Variants in ADRA1B observed in about 807,000 individuals in gnomAD.
ADRA1B encodes adrenoceptor alpha 1B, also known as alpha-1B adrenergic receptor.
Under a neutral mutation model 17.9 loss-of-function variants are expected in ADRA1B, and 17 were observed. The observed-to-expected ratio is 0.95, with a 90% confidence interval of 0.65 to 1.42. ADRA1B has a LOEUF of 1.42. Among genes scored for constraint, ADRA1B ranks in the 40% most tolerant of loss-of-function variants. The probability of loss-of-function intolerance (pLI) is 0.00; values close to 1 mark genes in which losing one functional copy is unlikely to be tolerated. For synonymous variants in ADRA1B, 366 were observed against 327.6 expected, an observed-to-expected ratio of 1.12 and a Z score of -1.27; for missense variants, 681 against 722.1, an observed-to-expected ratio of 0.94 and a Z score of 0.65.
intron 1 of ADRA1B, chr5:159,951,528 C>A: frequency 4.7e-6 from 3 of 634,158 alleles, no homozygotes; most frequent in Non-Finnish European, 8.7e-6. Context: ...TGGCAATGCA[C>A]GAGAAGATGC....
the ADRA1B span, among the ~76,000 whole-genome samples, chr5:159,986,736 C>T: frequency 1.2e-4 from 18 of 152,192 alleles, no homozygotes; most frequent in Admixed American, 1.2e-3. Flanking sequence ...TGGTCAGTGA[C>T]TCAGGAGGGC....
At chr5:159,877,176 G>A (rs73817236) in intron 1 of ADRA1B, among the ~76,000 whole-genome samples, 2,523 of 152,214 alleles carry the variant, frequency 0.017, 72 homozygotes, top group African/African-American at 0.058. Flanking sequence ...TCTCAGAGCC[G>A]TGCGCTCTGA....
At chr5:159,866,504 T>C (rs1319107459) in intron 1 of ADRA1B, among the ~76,000 whole-genome samples, 3 of 150,450 alleles carry the variant, frequency 2.0e-5, no homozygotes, top group Non-Finnish European at 4.4e-5. Flanking sequence ...GGAGAATCAC[T>C]GGAACCCGGG....
downstream of ADRA1B, among the ~76,000 whole-genome samples, chr5:159,974,203 C>G (rs537171035): frequency 1.9e-4 from 29 of 152,310 alleles, no homozygotes; most frequent in African/African-American, 7.0e-4. Context: ...CCTGTAGCTT[C>G]CATCTTTTAG....
chr5:159,962,862 AC>A (rs1755699198), intron 1 of ADRA1B, among the ~76,000 whole-genome samples: 1 of 48,410 alleles, frequency 2.1e-5, no homozygotes, highest in African/African-American at 1.1e-4. Flanking sequence ...TTTTTTTTTT[AC>A]TTTTTGGCTT....
rs534925670 is a variant in ADRA1B, at chr5:159,908,540, C to T, written c.-255-7579C>T. Reference sequence around the variant, plus strand: ...CTCTTTCCCCACGTGATGCCAGCTTCCCTTCCCCTTCCACTATGGAGTGGA... The same window carrying T: ...CTCTTTCCCCACGTGATGCCAGCTTTCCTTCCCCTTCCACTATGGAGTGGA... On this transcript the variant is annotated intron_variant, in intron 1 of 2. Coordinates refer to the ADRA1B transcript ENST00000641205. Among the ~76,000 whole-genome samples, 546 of 152,278 alleles carry T rather than the reference C, an allele frequency of 3.6e-3. 4 individuals carry two copies. The highest frequency in any genetic ancestry group is 5.3e-3 in the Non-Finnish European group (361 of 68,012).
At position 159,957,824 on chromosome 5, in the gene ADRA1B, C is replaced by A. The variant is rs574796392; in HGVS notation, c.950-14055C>A. 2.4e-4 allele frequency among the ~76,000 whole-genome samples: 35 copies of A among 146,314 alleles called. 1 individual carries two copies. In the East Asian group the frequency reaches 7.0e-3, roughly 29 times the overall value. On this transcript the variant is annotated intron_variant, in intron 1 of 1. Coordinates refer to ENST00000306675, the MANE Select transcript of ADRA1B (RefSeq NM_000679.4). ...TGGTGGCAGGTGCCTGGATTCCCAG[C>A]AACTTAAGGCCAGAGAATCACTTGA...
In ADRA1B at chr5:159,916,659, T is replaced by G; in HGVS notation, c.-247T>G. ...GGCCAGGCGCGCCTGACGTGGACCA[T>G]TAAACTTGGAGCTGCCGCCTCGTCC... On this transcript the variant is annotated 5_prime_UTR_variant, in exon 1 of 2. Transcript: ENST00000306675. 1 of 313,996 alleles carries G rather than the reference T, an allele frequency of 3.2e-6. No homozygotes were observed. The highest frequency in any genetic ancestry group is 6.9e-5 in the East Asian group (1 of 14,564). The allele number at this position is 313,996 out of a possible 1,614,324, so 19.5% of individuals were successfully genotyped here. A position where few individuals can be genotyped will look rare whatever the true frequency, so the allele number is the denominator to read the frequency against.
chr5:159,908,874 C>T (rs1250861018), intron 1 of ADRA1B, among the ~76,000 whole-genome samples: 3 of 152,138 alleles, frequency 2.0e-5, no homozygotes, highest in Non-Finnish European at 4.4e-5. Context: ...ATATTTGGGG[C>T]CCTCCCAGGC....
At chr5:159,959,877 C>T (rs1755633070) in intron 1 of ADRA1B, among the ~76,000 whole-genome samples, 1 of 151,342 alleles carries the variant, frequency 6.6e-6, no homozygotes, top group Non-Finnish European at 1.5e-5. Flanking sequence ...CAGAAGTATT[C>T]TCAGAGTTTA....
At chr5:159,951,983 T>TTTTGCCTTTCACAA (rs1755450801) in intron 1 of ADRA1B, among the ~76,000 whole-genome samples, 2 of 152,306 alleles carry the variant, frequency 1.3e-5, no homozygotes, top group African/African-American at 4.8e-5. Flanking sequence ...GGCCTGGAGA[T>TTTTGCCTTTCACAA]GGCAAAAGGA....
intron 1 of ADRA1B, among the ~76,000 whole-genome samples, chr5:159,945,946 A>G (rs1343860681): frequency 6.6e-6 from 1 of 152,034 alleles, no homozygotes; most frequent in East Asian, 1.9e-4. Context: ...ATGGGGTTTC[A>G]CCATGTTAGC....
downstream of ADRA1B, among the ~76,000 whole-genome samples, chr5:159,975,921 G>A (rs1193801013): frequency 6.6e-6 from 1 of 152,160 alleles, no homozygotes; most frequent in Non-Finnish European, 1.5e-5. Context: ...AGCATGCACA[G>A]GAATAAATCT....
chr5:159,927,752 G>T (rs946553744), intron 1 of ADRA1B, among the ~76,000 whole-genome samples: 1 of 152,024 alleles, frequency 6.6e-6, no homozygotes. Context: ...TGGAATAAGG[G>T]TGTTTATAGT....
intron 1 of ADRA1B, among the ~76,000 whole-genome samples, chr5:159,907,632 T>C (rs1384778552): frequency 1.3e-5 from 2 of 152,164 alleles, no homozygotes; most frequent in African/African-American, 4.8e-5. Flanking sequence ...GTTTTTAAGA[T>C]TATACAAAAA....
intron 1 of ADRA1B, among the ~76,000 whole-genome samples, chr5:159,904,358 G>A (rs1754136016): frequency 6.6e-6 from 1 of 152,170 alleles, no homozygotes; most frequent in Non-Finnish European, 1.5e-5. Context: ...CTCCTATGAA[G>A]GCACAGCACA....
upstream of ADRA1B, among the ~76,000 whole-genome samples, chr5:159,911,532 C>T (rs914244736): frequency 6.6e-6 from 1 of 152,204 alleles, no homozygotes; most frequent in Non-Finnish European, 1.5e-5. Context: ...CTTTACCAGC[C>T]TGCTGCAAAG....
intron 1 of ADRA1B, among the ~76,000 whole-genome samples, chr5:159,901,187 A>T (rs991723501): frequency 1.6e-4 from 24 of 151,954 alleles, no homozygotes; most frequent in Non-Finnish European, 2.9e-4. Context: ...AAAGAGTCAG[A>T]GATCAAAGAT....
chr5:159,940,703 C>T (rs1241096369), intron 1 of ADRA1B, among the ~76,000 whole-genome samples: 1 of 152,166 alleles, frequency 6.6e-6, no homozygotes, highest in African/African-American at 2.4e-5. Context: ...CATACACACA[C>T]ATGCATATAC....
Sources: gnomAD v4.1 joint callset for allele counts (sites outside exome capture counted in the v4.1 genomes callset) on GRCh38, gnomAD v4.1.1 for gene constraint, MANE v1.5 for transcripts, NCBI Gene and HGNC (gene_info 2026-07-23, HGNC 2026-07-21) for gene names.